Variants in CLIP4 observed in about 807,000 individuals in gnomAD.
CLIP4 encodes CAP-Gly domain containing linker protein family member 4.
In CLIP4, 47 loss-of-function variants were observed where a neutral mutation model predicts 73.1. The ratio of observed to expected loss-of-function variants is 0.64; its 90% CI spans 0.51 to 0.82. The LOEUF (loss-of-function observed/expected upper bound fraction) is 0.82. CLIP4 is among the 40% of genes least tolerant of loss of function. The pLI is 0.00. For synonymous variants in CLIP4, 306 were observed against 295.4 expected, an observed-to-expected ratio of 1.04 and a Z score of -0.37; for missense variants, 874 against 852.9, an observed-to-expected ratio of 1.02 and a Z score of -0.31.
intron 10 of CLIP4, 36 bp from the exon 11 acceptor site, chr2:29,157,168 T>C: frequency 6.3e-7 from 1 of 1,594,056 alleles, no homozygotes; most frequent in South Asian, 1.1e-5. Context: ...CCACATCTTA[T>C]TTTCCACCGT....
intron 6 of CLIP4, among the ~76,000 whole-genome samples, chr2:29,138,489 C>CT (rs545466027): frequency 0.2 from 28,790 of 140,618 alleles, 3,078 homozygotes; most frequent in Middle Eastern, 0.27. Flanking sequence ...TATTTGGGCT[C>CT]TTTTTTTTTT....
At chr2:29,119,388 T>TA (rs200614463) in intron 1 of CLIP4, among the ~76,000 whole-genome samples, 7 of 151,788 alleles carry the variant, frequency 4.6e-5, no homozygotes, top group South Asian at 4.2e-4. Flanking sequence ...GGGGATCACT[T>TA]AAAATTTTTT....
rs777100973 is a variant in CLIP4, at chr2:29,181,755, C to T, written c.1980C>T (p.Ser660=). ...TCTGGCTTGGACTTGAGCTCCGAAGCGCCAAGGGAAAAAATGATGGGTCAG... is the reference window on the plus strand; with the variant it reads ...TCTGGCTTGGACTTGAGCTCCGAAGTGCCAAGGGAAAAAATGATGGGTCAG... The part of the protein sequence containing the change: ...SGIWLGLELR[S]AKGKNDGSVG... The change falls in exon 16 of 16, where the codon AGC becomes AGT. Residue 660 remains serine, a synonymous_variant. Coordinates refer to ENST00000320081, the MANE Select transcript of CLIP4 (RefSeq NM_024692.6). 1.2e-5 allele frequency: 20 copies of T among 1,613,918 alleles called. No individual in the cohort carries two copies. Among genetic ancestry groups the T allele is most frequent in the South Asian group, 7.7e-5 (7 of 91,086 alleles).
At chr2:29,135,288 T>C (rs1446882695) in intron 5 of CLIP4, among the ~76,000 whole-genome samples, 5 of 152,230 alleles carry the variant, frequency 3.3e-5, no homozygotes, top group Non-Finnish European at 7.3e-5. Context: ...CCATTAATTG[T>C]TTTAAAATAT....
chr2:29,105,890 A>T (rs572572694), intron 1 of CLIP4, among the ~76,000 whole-genome samples: 2 of 152,322 alleles, frequency 1.3e-5, no homozygotes, highest in East Asian at 3.9e-4. Flanking sequence ...TAGAACCATG[A>T]TAAATAAATC....
At chr2:29,181,533 AG>A (rs1238592652) in intron 15 of CLIP4, 38 bp from the exon 16 acceptor site, 1 of 1,504,668 alleles carries the variant, frequency 6.6e-7, no homozygotes, top group African/African-American at 1.4e-5. Flanking sequence ...ACGTGGCTTC[AG>A]CACTAAATAA....
intron 9 of CLIP4, among the ~76,000 whole-genome samples, 186 bp from the exon 10 acceptor site, chr2:29,156,168 A>G (rs1271281862): frequency 6.6e-6 from 1 of 152,170 alleles, no homozygotes; most frequent in Non-Finnish European, 1.5e-5. Context: ...AGCCACTGTT[A>G]CTGTCTCCTT....
intron 2 of CLIP4, among the ~76,000 whole-genome samples, chr2:29,126,815 C>G (rs935331909): frequency 1.3e-5 from 2 of 152,084 alleles, no homozygotes; most frequent in Non-Finnish European, 2.9e-5. Context: ...ATCAAATCAT[C>G]CAGTAGGGGT....
chr2:29,141,342 A>G (rs1337886740), intron 6 of CLIP4, among the ~76,000 whole-genome samples: 2 of 152,136 alleles, frequency 1.3e-5, no homozygotes, highest in African/African-American at 2.4e-5. Context: ...ATTAAGTCTA[A>G]CTGGTCAAGT....
intron 1 of CLIP4, among the ~76,000 whole-genome samples, chr2:29,116,017 C>T (rs1558510513): frequency 6.6e-6 from 1 of 152,208 alleles, no homozygotes; most frequent in African/African-American, 2.4e-5. Flanking sequence ...CCGAGAGTCC[C>T]CGCACGCGCA....
intron 8 of CLIP4, among the ~76,000 whole-genome samples, chr2:29,152,081 A>G (rs1666610656): frequency 6.6e-6 from 1 of 152,182 alleles, no homozygotes; most frequent in Admixed American, 6.5e-5. Context: ...AACACACTGT[A>G]ATTAGGTACA....
chr2:29,164,892 T>C (rs532795227), intron 13 of CLIP4, among the ~76,000 whole-genome samples: 1 of 152,376 alleles, frequency 6.6e-6, no homozygotes, highest in East Asian at 1.9e-4. Context: ...ATAACAGAAT[T>C]TAACATACAA....
intron 2 of CLIP4, among the ~76,000 whole-genome samples, chr2:29,123,837 T>C (rs2148468679): frequency 6.6e-6 from 1 of 152,166 alleles, no homozygotes; most frequent in South Asian, 2.1e-4. Context: ...GAAACCAGAG[T>C]TGAGGCATGT....
upstream of CLIP4, chr2:29,115,357 G>GGGGAGTGC (rs1663703869): frequency 6.6e-6 from 1 of 151,834 alleles, no homozygotes; most frequent in South Asian, 2.1e-4. This position sits in a 1 kb window ranked among gnomAD's most constrained non-coding sequence, Gnocchi z 5.1. Flanking sequence ...TCTGACTGCT[G>GGGGAGTGC]GGGAGTGCGG....
At chr2:29,162,947 G>GT (rs1410238889) in intron 12 of CLIP4, among the ~76,000 whole-genome samples, 2 of 152,080 alleles carry the variant, frequency 1.3e-5, no homozygotes, top group African/African-American at 2.4e-5. Context: ...TCTATCTCCT[G>GT]TTTTTTTACT....
At chr2:29,119,501 G>A (rs770125629) in intron 1 of CLIP4, among the ~76,000 whole-genome samples, 8 of 151,576 alleles carry the variant, frequency 5.3e-5, no homozygotes, top group Admixed American at 3.9e-4. Flanking sequence ...GAAGAATTAA[G>A]AGTATAAAAA....
chr2:29,105,421 G>A (rs763453920), intron 1 of CLIP4, among the ~76,000 whole-genome samples: 8 of 152,182 alleles, frequency 5.3e-5, no homozygotes, highest in Non-Finnish European at 7.3e-5. Flanking sequence ...TAAGAGACAT[G>A]GGGCACAAAG....
chr2:29,132,455 T>C lies in CLIP4; in HGVS notation c.367+210T>C, dbSNP rs989011559. On this transcript the variant is annotated intron_variant, in intron 4 of 15. Coordinates refer to ENST00000320081, the MANE Select transcript of CLIP4 (RefSeq NM_024692.6). ...ATACCCTCCTGATACCTCTTAACTT[T>C]TCTGGATCAGGCCTCATGCCTGATT... 7.6e-6 allele frequency: 4 copies of C among 529,466 alleles called. No homozygotes were observed. In the African/African-American group the frequency reaches 7.8e-5, roughly 10 times the overall value. The allele number at this position is 529,466 out of a possible 1,614,324, so 32.8% of individuals were successfully genotyped here.
intron 12 of CLIP4, among the ~76,000 whole-genome samples, chr2:29,163,151 A>G (rs1239880053): frequency 2.0e-5 from 3 of 152,106 alleles, no homozygotes; most frequent in Non-Finnish European, 2.9e-5. Context: ...CTTTAATTTT[A>G]GGCTGTCTAG....
Sources: allele counts gnomAD v4.1 joint callset (sites outside exome capture counted in the v4.1 genomes callset), GRCh38; gene constraint gnomAD v4.1.1; non-coding constraint Gnocchi (gnomAD v3.1); transcripts MANE v1.5; gene names NCBI Gene and HGNC (gene_info 2026-07-23, HGNC 2026-07-21).